Variants in UIMC1 observed in about 807,000 individuals in gnomAD.
UIMC1 encodes the protein ubiquitin interaction motif containing 1.
In UIMC1, 42 loss-of-function variants were observed where a neutral mutation model predicts 84.9. The ratio of observed to expected loss-of-function variants is 0.49; its 90% CI spans 0.39 to 0.64. The LOEUF (loss-of-function observed/expected upper bound fraction) is 0.64. Among genes scored for constraint, UIMC1 ranks in the 30% least tolerant of loss-of-function variants. UIMC1 has a pLI of 0.00. For missense variants in UIMC1, 825 were observed against 847.6 expected (o/e 0.97, Z 0.33); for synonymous variants, 281 against 293.0 (o/e 0.96, Z 0.42).
chr5:176,992,067 G>A (rs1581676494), intron 1 of UIMC1, among the ~76,000 whole-genome samples: 4 of 152,108 alleles, frequency 2.6e-5, no homozygotes, highest in Admixed American at 2.0e-4. Flanking sequence ...AGGCTGCATT[G>A]AGCCATGATG....
At chr5:177,005,506 T>TAAAA (rs1775125211) in intron 1 of UIMC1, among the ~76,000 whole-genome samples, 1 of 151,852 alleles carries the variant, frequency 6.6e-6, no homozygotes, top group Non-Finnish European at 1.5e-5. Context: ...TCAGCCTCAG[T>TAAAA]TTAGGACAAG....
At chr5:177,020,621 C>A (rs958004829) in intron 1 of UIMC1, among the ~76,000 whole-genome samples, 7 of 152,070 alleles carry the variant, frequency 4.6e-5, no homozygotes, top group Non-Finnish European at 5.9e-5. Context: ...TTAGTAGAAA[C>A]GGAGTTTCAC....
chr5:177,001,708 G>C (rs562638043), intron 1 of UIMC1, among the ~76,000 whole-genome samples: 1 of 151,730 alleles, frequency 6.6e-6, no homozygotes, highest in Non-Finnish European at 1.5e-5. Context: ...GGAGGCTGAG[G>C]GGGGGCGGAT....
intron 1 of UIMC1, among the ~76,000 whole-genome samples, chr5:177,020,227 C>T (rs1307214278): frequency 6.6e-6 from 1 of 152,174 alleles, no homozygotes; most frequent in Non-Finnish European, 1.5e-5. Context: ...TCTCTCCTGC[C>T]TCAGGGCCTT....
intron 6 of UIMC1, 75 bp downstream of exon 6, chr5:176,968,480 A>C (rs1581577845): frequency 1.3e-6 from 2 of 1,520,618 alleles, no homozygotes; most frequent in East Asian, 4.5e-5. Context: ...GAAGACCACA[A>C]AAATAACAGC....
chr5:176,992,983 G>A (rs777744966), intron 1 of UIMC1, among the ~76,000 whole-genome samples: 2 of 151,596 alleles, frequency 1.3e-5, no homozygotes, highest in Admixed American at 6.6e-5. Context: ...ATCAGGAGTT[G>A]GAGACCAGCA....
rs534746623 is a variant in UIMC1, at chr5:177,012,254, T to C, written c.-9+10210A>G. Among the ~76,000 whole-genome samples the C allele has an allele frequency of 3.3e-5, 5 of 152,274 alleles. No homozygotes were observed. The East Asian group carries it at 9.7e-4, about 29-fold the overall frequency. ...ACATTCACAACCAAATTTATGATCT[T>C]CCCCTCAAAATCTGTATATTTAACA... On this transcript the variant is annotated intron_variant, in intron 1 of 5. Coordinates refer to the UIMC1 transcript ENST00000509236.
At chr5:176,955,431 A>T (rs888966847) in intron 8 of UIMC1, among the ~76,000 whole-genome samples, 4 of 152,108 alleles carry the variant, frequency 2.6e-5, no homozygotes, top group African/African-American at 9.7e-5. Context: ...ATAAAAACTA[A>T]CTACTAAAAG....
At chr5:176,963,414 A>G (rs190934647) in intron 6 of UIMC1, among the ~76,000 whole-genome samples, 1,628 of 151,886 alleles carry the variant, frequency 0.011, 10 homozygotes, top group South Asian at 0.025. Flanking sequence ...CCAGCTACTC[A>G]GGAGGCTGAA....
At chr5:176,955,055 A>C (rs1766422784) in intron 8 of UIMC1, among the ~76,000 whole-genome samples, 1 of 152,208 alleles carries the variant, frequency 6.6e-6, no homozygotes, top group Non-Finnish European at 1.5e-5. Flanking sequence ...GAATGAGGCT[A>C]ATGATCTTTT....
intron 8 of UIMC1, 22 bp downstream of exon 8, chr5:176,955,937 A>G: frequency 6.2e-7 from 1 of 1,609,066 alleles, no homozygotes; most frequent in South Asian, 1.1e-5. Context: ...GAAATTCAGT[A>G]AAATCACAGT....
chr5:177,002,230 T>C (rs527465973), intron 1 of UIMC1: 6 of 152,032 alleles, frequency 3.9e-5, no homozygotes, highest in East Asian at 1.9e-4. Flanking sequence ...GAGTTCGAGG[T>C]TGTGGTGAGC....
At chr5:176,911,961 C>T (rs1760270316) in intron 10 of UIMC1, among the ~76,000 whole-genome samples, 1 of 152,214 alleles carries the variant, frequency 6.6e-6, no homozygotes, top group South Asian at 2.1e-4. Flanking sequence ...TACATTGTCT[C>T]TCACACCAAA....
chr5:176,990,875 T>G (rs1022851588), intron 1 of UIMC1, among the ~76,000 whole-genome samples: 4 of 152,080 alleles, frequency 2.6e-5, no homozygotes, highest in African/African-American at 9.7e-5. Context: ...TCTTGCTGTG[T>G]TGCCCAGGCT....
chr5:176,934,142 C>T (rs1412214076), intron 10 of UIMC1, among the ~76,000 whole-genome samples: 3 of 152,134 alleles, frequency 2.0e-5, no homozygotes, highest in African/African-American at 7.2e-5. Flanking sequence ...TCCCTACCCT[C>T]AGCATCCAGC....
intron 10 of UIMC1, among the ~76,000 whole-genome samples, chr5:176,940,547 A>G (rs1177559814): frequency 6.6e-6 from 1 of 152,204 alleles, no homozygotes; most frequent in East Asian, 1.9e-4. Flanking sequence ...GCTCAGCCCC[A>G]GAATTCTTTT....
intron 11 of UIMC1, among the ~76,000 whole-genome samples, chr5:176,910,834 T>C (rs1323509883): frequency 6.6e-6 from 1 of 152,142 alleles, no homozygotes; most frequent in African/African-American, 2.4e-5. Flanking sequence ...CTCACGCCTG[T>C]AATCCCAGCA....
At chr5:176,935,516 T>C (rs1003820935) in intron 10 of UIMC1, among the ~76,000 whole-genome samples, 1 of 152,224 alleles carries the variant, frequency 6.6e-6, no homozygotes, top group African/African-American at 2.4e-5. Context: ...CAGGTCAGTC[T>C]GTCCCCAAAA....
rs189252590 is a variant in UIMC1 at position 176,914,666 on chromosome 5, T to C, written c.1598-3277A>G. 2.0e-5 allele frequency among the ~76,000 whole-genome samples: 3 copies of C among 152,352 alleles called. No individual in the cohort carries two copies. In the East Asian group the frequency reaches 5.8e-4, roughly 29 times the overall value. On this transcript the variant is annotated intron_variant, in intron 10 of 14. Transcript: ENST00000511320. ...CCTCTGCGGAGGATGACAGGAATAC[T>C]TGAAGACTGGAAGAGGAAGGAGGCA...
Sources: allele counts gnomAD v4.1 joint callset (sites outside exome capture counted in the v4.1 genomes callset), GRCh38; gene constraint gnomAD v4.1.1; transcripts MANE v1.5; gene names NCBI Gene and HGNC (gene_info 2026-07-23, HGNC 2026-07-21).